AMPH: variants seen among roughly 807,000 people sequenced by gnomAD.
AMPH encodes amphiphysin.
A neutral mutation model predicts 99.1 loss-of-function variants in AMPH; 49 were observed. The ratio of observed to expected loss-of-function variants is 0.49; its 90% confidence interval spans 0.39 to 0.63. The LOEUF (loss-of-function observed/expected upper bound fraction) is 0.63, where lower values mean the gene tolerates loss of function less well. Among genes scored for constraint, AMPH ranks in the 20% least tolerant of loss-of-function variants. The probability of loss-of-function intolerance (pLI) is 0.00; values close to 1 mark genes in which losing one functional copy is unlikely to be tolerated. For missense variants in AMPH, 759 were observed against 863.4 expected (o/e 0.88, Z 1.52); for synonymous variants, 314 against 317.3 (o/e 0.99, Z 0.11).
chr7:38,476,985 G>C lies in AMPH; in HGVS notation c.397-16C>G. 1 of 1,608,772 alleles carries C rather than the reference G, an allele frequency of 6.2e-7. No individual in the cohort carries two copies. The highest frequency in any genetic ancestry group is 8.5e-7 in the Non-Finnish European group (1 of 1,175,442). ...CGATGCGATTCTGTCAACAGGAAAT[G>C]CACTCACTAAGAAAGAAGCATGGAC... On this transcript the variant is annotated splice_polypyrimidine_tract_variant and intron_variant, in intron 5 of 20. Transcript: ENST00000356264.
intron 1 of AMPH, among the ~76,000 whole-genome samples, chr7:38,627,187 T>C (rs1359323103): frequency 6.6e-6 from 1 of 152,016 alleles, no homozygotes; most frequent in Non-Finnish European, 1.5e-5. Flanking sequence ...ATGTTTTTTC[T>C]TCCAGAGATA....
chr7:38,586,132 T>C (rs1792637043), intron 1 of AMPH, among the ~76,000 whole-genome samples: 1 of 152,152 alleles, frequency 6.6e-6, no homozygotes, highest in African/African-American at 2.4e-5. Context: ...CTTCCAAATA[T>C]TTCAACAGGA....
chr7:38,419,418 G>A (rs956495497), intron 16 of AMPH, among the ~76,000 whole-genome samples: 1 of 152,284 alleles, frequency 6.6e-6, no homozygotes, highest in East Asian at 1.9e-4. Flanking sequence ...TCAAGGGACT[G>A]GTAGACAAGT....
intron 16 of AMPH, among the ~76,000 whole-genome samples, chr7:38,421,662 G>A (rs889197644): frequency 1.3e-5 from 2 of 152,284 alleles, no homozygotes; most frequent in East Asian, 3.9e-4. Context: ...CAATATGAAA[G>A]GCAGGAGCTA....
chr7:38,388,818 A>ATTT (rs1395733130), intron 20 of AMPH, among the ~76,000 whole-genome samples: 1 of 151,664 alleles, frequency 6.6e-6, no homozygotes, highest in Non-Finnish European at 1.5e-5. Context: ...TAAAAAAAAA[A>ATTT]TTTTTTGTAG....
At position 38,614,285 on chromosome 7, in the gene AMPH, T is replaced by C. The variant is rs559176509; in HGVS notation, c.69+16998A>G. Among the ~76,000 whole-genome samples the C allele has an allele frequency of 7.2e-5, 11 of 152,288 alleles. No individual in the cohort carries two copies. In the South Asian group the frequency reaches 2.1e-3, roughly 29 times the overall value. On this transcript the variant is annotated intron_variant, in intron 1 of 20. Coordinates refer to ENST00000356264, the MANE Select transcript of AMPH (RefSeq NM_001635.4). ...GGGGCAACCTGCAATCTCTGACATA[T>C]AGTAAGGAAAAGAATTGCAATTGGC...
At chr7:38,517,273 G>C (rs1477987603) in intron 2 of AMPH, among the ~76,000 whole-genome samples, 1 of 152,202 alleles carries the variant, frequency 6.6e-6, no homozygotes, top group Admixed American at 6.5e-5. Context: ...AGTGTTGGAG[G>C]AGGAACCTGG....
At chr7:38,444,021 C>T (rs1303274520) in intron 11 of AMPH, among the ~76,000 whole-genome samples, 1 of 152,018 alleles carries the variant, frequency 6.6e-6, no homozygotes. Context: ...ATACAAAAAC[C>T]AGTTGTACTT....
intron 1 of AMPH, among the ~76,000 whole-genome samples, chr7:38,629,289 A>C (rs1292596076): frequency 6.6e-6 from 1 of 152,060 alleles, no homozygotes; most frequent in African/African-American, 2.4e-5. Context: ...GGCAGAACTC[A>C]CCCTGGGGAA....
intron 1 of AMPH, among the ~76,000 whole-genome samples, chr7:38,542,050 G>GA (rs1411368343): frequency 6.6e-6 from 1 of 151,084 alleles, no homozygotes; most frequent in Admixed American, 6.6e-5. Context: ...GACTTCAAGA[G>GA]AAAAAAAAAT....
chr7:38,438,262 C>A (rs1315982517), intron 11 of AMPH, among the ~76,000 whole-genome samples: 4 of 152,198 alleles, frequency 2.6e-5, no homozygotes, highest in African/African-American at 9.7e-5. Context: ...TTGCCATGTT[C>A]TCCAGACTGC....
At chr7:38,413,054 C>T (rs1453621317) in intron 17 of AMPH, among the ~76,000 whole-genome samples, 2 of 152,164 alleles carry the variant, frequency 1.3e-5, no homozygotes, top group African/African-American at 2.4e-5. Flanking sequence ...TTCTCCTCCC[C>T]AGAGTACATA....
intron 11 of AMPH, among the ~76,000 whole-genome samples, chr7:38,460,711 T>C (rs904492664): frequency 2.0e-5 from 3 of 151,914 alleles, no homozygotes; most frequent in Non-Finnish European, 4.4e-5. Flanking sequence ...GATGTGTGGG[T>C]GGAAGGAGGA....
rs1481528083 is a variant in AMPH, at chr7:38,525,277, T to TATAGAGAGAG, written c.150+9653_150+9654insCTCTCTCTAT. 3.9e-3 allele frequency among the ~76,000 whole-genome samples: 335 copies of TATAGAGAGAG among 86,632 alleles called. 1 individual carries two copies. The highest frequency in any genetic ancestry group is 0.011 in the Middle Eastern group (2 of 176). The allele number at this position is 86,632 out of a possible 152,430, so 56.8% of individuals were successfully genotyped here. On this transcript the variant is annotated intron_variant, in intron 2 of 20. Coordinates refer to ENST00000356264, the MANE Select transcript of AMPH (RefSeq NM_001635.4). The stretch of plus-strand genomic sequence containing the variant: ...GTGTGTGTATATATATATATATATA[T>TATAGAGAGAG]AGAGAGAGAGAGAGAGAGAGAGAGA...
chr7:38,548,158 A>G (rs1791058407), intron 1 of AMPH, among the ~76,000 whole-genome samples: 1 of 150,804 alleles, frequency 6.6e-6, no homozygotes, highest in African/African-American at 2.4e-5. Flanking sequence ...CCTCCCGTTT[A>G]GCTGGGACTA....
intron 2 of AMPH, among the ~76,000 whole-genome samples, chr7:38,506,186 G>C (rs1789317235): frequency 6.6e-6 from 1 of 152,186 alleles, no homozygotes. Flanking sequence ...GAAAGCCACT[G>C]AGATGTTGCT....
At chr7:38,547,335 A>G (rs1460580307) in intron 1 of AMPH, among the ~76,000 whole-genome samples, 1 of 152,168 alleles carries the variant, frequency 6.6e-6, no homozygotes, top group Non-Finnish European at 1.5e-5. Flanking sequence ...AATGAATTAA[A>G]ACAATCCAAC....
At position 38,384,164 on chromosome 7, in the gene AMPH, G is replaced by C. The variant is rs1380569157; in HGVS notation, c.*654C>G. On this transcript the variant is annotated 3_prime_UTR_variant, in exon 21 of 21. Transcript: ENST00000356264. ...AGGCAAAACTGCAATTGTAATGCCA[G>C]ACAGAATAAGAGCAATGCATGTATC... 1 of 152,368 alleles carries C rather than the reference G, an allele frequency of 6.6e-6. No individual in the cohort carries two copies. Among genetic ancestry groups the C allele is most frequent in the Non-Finnish European group, 1.5e-5 (1 of 68,146 alleles). The allele number at this position is 152,368 out of a possible 1,614,324, so 9.4% of individuals were successfully genotyped here. A position where few individuals can be genotyped will look rare whatever the true frequency, so the allele number is the denominator to read the frequency against.
chr7:38,397,774 A>G (rs1784713353), intron 17 of AMPH, among the ~76,000 whole-genome samples: 1 of 152,200 alleles, frequency 6.6e-6, no homozygotes, highest in Admixed American at 6.5e-5. Context: ...GGGATTAATA[A>G]CCAGAATACA....
Sources: gnomAD v4.1 joint callset for allele counts (sites outside exome capture counted in the v4.1 genomes callset) on GRCh38, gnomAD v4.1.1 for gene constraint, MANE v1.5 for transcripts, NCBI Gene and HGNC (gene_info 2026-07-23, HGNC 2026-07-21) for gene names.